Variants in AP3B1 observed in about 807,000 individuals in gnomAD.
The protein encoded by AP3B1 is AP-3 complex subunit beta-1.
AP3B1 carries 61 observed loss-of-function variants against 132.5 expected under a neutral mutation model. The observed-to-expected ratio is 0.46, with a 90% confidence interval of 0.37 to 0.57. The LOEUF is 0.57. Among genes scored for constraint, AP3B1 ranks in the 20% least tolerant of loss-of-function variants. The probability of loss-of-function intolerance (pLI) is 0.00; values close to 1 mark genes in which losing one functional copy is unlikely to be tolerated. For missense variants in AP3B1, 1,120 were observed against 1,289.4 expected (o/e 0.87, Z 2.01); for synonymous variants, 388 against 438.3 (o/e 0.89, Z 1.43).
intron 1 of AP3B1, among the ~76,000 whole-genome samples, chr5:78,271,547 C>A (rs1202104253): frequency 6.6e-6 from 1 of 152,192 alleles, no homozygotes; most frequent in Non-Finnish European, 1.5e-5. Flanking sequence ...TTCCTCAACT[C>A]TTGGTAATCT....
At chr5:78,106,185 C>T (rs140647061) in intron 20 of AP3B1, among the ~76,000 whole-genome samples, 91 of 152,262 alleles carry the variant, frequency 6.0e-4, no homozygotes, top group African/African-American at 2.1e-3. Context: ...TGGCTGGGCA[C>T]GGTTGCCCAT....
downstream of AP3B1, chr5:78,001,267 T>G (rs546983222): frequency 2.0e-5 from 3 of 152,336 alleles, no homozygotes; most frequent in East Asian, 5.8e-4. Flanking sequence ...TGTCTGACAT[T>G]TCAAAAAGTT....
At chr5:78,170,223 G>A (rs1010891089) in intron 11 of AP3B1, among the ~76,000 whole-genome samples, 5 of 152,144 alleles carry the variant, frequency 3.3e-5, no homozygotes, top group Non-Finnish European at 7.3e-5. Context: ...ACATACGTGT[G>A]CATGTGTCTT....
intron 2 of AP3B1, among the ~76,000 whole-genome samples, chr5:78,257,003 A>G (rs555876685): frequency 3.9e-5 from 6 of 152,318 alleles, no homozygotes; most frequent in Admixed American, 6.5e-5. Flanking sequence ...AAAACTGGGA[A>G]TAGAAGGAAC....
intron 1 of AP3B1, among the ~76,000 whole-genome samples, chr5:78,285,754 T>A (rs934611966): frequency 2.6e-5 from 4 of 152,176 alleles, no homozygotes; most frequent in African/African-American, 9.7e-5. Context: ...AAACTTTGTA[T>A]CCACCCTTGA....
chr5:78,169,707 C>T (rs1743823062), intron 11 of AP3B1, among the ~76,000 whole-genome samples: 2 of 151,870 alleles, frequency 1.3e-5, no homozygotes, highest in African/African-American at 4.8e-5. Flanking sequence ...GCAATACAGG[C>T]ATGAGCCACT....
At chr5:78,216,758 C>T (rs1305230712) in intron 6 of AP3B1, among the ~76,000 whole-genome samples, 1 of 152,054 alleles carries the variant, frequency 6.6e-6, no homozygotes, top group Non-Finnish European at 1.5e-5. Context: ...TCTTAATCCA[C>T]CGGTTTTTAC....
At chr5:78,293,511 A>C (rs563977805) in intron 1 of AP3B1, among the ~76,000 whole-genome samples, 114 of 152,322 alleles carry the variant, frequency 7.5e-4, no homozygotes, top group South Asian at 5.6e-3. Flanking sequence ...TAGACTACCC[A>C]ATATTGTTAG....
At chr5:78,216,295 C>G in intron 6 of AP3B1, 58 bp from the exon 7 acceptor site, 1 of 1,488,194 alleles carries the variant, frequency 6.7e-7, no homozygotes. Flanking sequence ...CATCAAAGGT[C>G]TTACTCAGGC....
chr5:78,267,538 A>G lies in AP3B1; in HGVS notation c.186T>C (p.Ala62=). The G allele has an allele frequency of 1.9e-6, 3 of 1,611,436 alleles. No homozygotes were observed. Among genetic ancestry groups the G allele is most frequent in the Non-Finnish European group, 1.7e-6 (2 of 1,178,356 alleles). The change falls in exon 2 of 27, where the codon GCT becomes GCC. Residue 62 remains alanine (A), a synonymous_variant. Coordinates refer to ENST00000255194, the MANE Select transcript of AP3B1 (RefSeq NM_003664.5). ...ESNKDSAKLD[A]MKRIVGMIAK... ...TACCTACCCCAACAATCCGCTTCATAGCATCCAGTTTAGCAGAATCTTTGT... is the reference window on the plus strand; with the variant it reads ...TACCTACCCCAACAATCCGCTTCATGGCATCCAGTTTAGCAGAATCTTTGT...
intron 20 of AP3B1, among the ~76,000 whole-genome samples, chr5:78,109,588 G>T (rs1751485989): frequency 1.3e-5 from 2 of 152,004 alleles, no homozygotes; most frequent in African/African-American, 4.8e-5. Flanking sequence ...CGTTAGGTCT[G>T]AATTCTATAT....
intron 11 of AP3B1, among the ~76,000 whole-genome samples, chr5:78,167,252 T>C (rs1228233796): frequency 6.6e-6 from 1 of 152,104 alleles, no homozygotes; most frequent in Non-Finnish European, 1.5e-5. Flanking sequence ...TCAACATCAC[T>C]ACTTATTAGG....
chr5:78,261,978 A>G (rs1748114872), intron 2 of AP3B1, among the ~76,000 whole-genome samples: 1 of 151,786 alleles, frequency 6.6e-6, no homozygotes, highest in African/African-American at 2.4e-5. Context: ...CGTGTTGGCC[A>G]GGCTTGTCTC....
chr5:78,046,297 G>A (rs1444761616), intron 22 of AP3B1, among the ~76,000 whole-genome samples: 8 of 152,176 alleles, frequency 5.3e-5, no homozygotes, highest in Admixed American at 2.0e-4. Context: ...CCTCATAGGA[G>A]TGCAAACCCT....
At chr5:78,031,208 C>A (rs1476915716) in intron 24 of AP3B1, among the ~76,000 whole-genome samples, 2 of 152,130 alleles carry the variant, frequency 1.3e-5, no homozygotes, top group Admixed American at 1.3e-4. Context: ...TAGCAACTAT[C>A]ATTACTATGG....
Position 78,195,679 on chromosome 5 carries a change from G to T in AP3B1, c.787-14017C>A, listed in dbSNP as rs1270511698. On this transcript the variant is annotated intron_variant, in intron 7 of 26. Transcript: ENST00000255194. ...ATAAAAATACAAAAAAATTAGCTGG[G>T]TGTGGTGATGCACACCTGTTATCCC... Among the ~76,000 whole-genome samples, 4 of 152,034 alleles carry T rather than the reference G, an allele frequency of 2.6e-5. No individual in the cohort carries two copies. The East Asian group carries it at 7.7e-4, about 29-fold the overall frequency.
chr5:78,165,591 A>G lies in AP3B1; in HGVS notation c.1230+19T>C, dbSNP rs1743580333. 1 of 1,572,480 alleles carries G rather than the reference A, an allele frequency of 6.4e-7. No homozygotes were observed. Among genetic ancestry groups the G allele is most frequent in the Admixed American group, 1.7e-5 (1 of 59,532 alleles). On this transcript the variant is annotated intron_variant, in intron 12 of 26. Coordinates refer to ENST00000255194, the MANE Select transcript of AP3B1 (RefSeq NM_003664.5). ...ACATATGTTTTAGAAGTTTTTTATA[A>G]TTAGCACTGTACACAAACCTGAAAT...
chr5:78,121,101 C>A (rs926703425), intron 17 of AP3B1, among the ~76,000 whole-genome samples: 22 of 152,062 alleles, frequency 1.4e-4, no homozygotes, highest in African/African-American at 4.8e-4. Context: ...CTACTGGGTA[C>A]ATAACAAAAT....
intron 21 of AP3B1, among the ~76,000 whole-genome samples, chr5:78,096,885 T>TGG (rs1750833928): frequency 8.8e-6 from 1 of 113,170 alleles, no homozygotes; most frequent in African/African-American, 3.5e-5. Flanking sequence ...GGGAGGGAGG[T>TGG]AGGGGGTCAG....
Sources: gnomAD v4.1 joint callset for allele counts (sites outside exome capture counted in the v4.1 genomes callset) on GRCh38, gnomAD v4.1.1 for gene constraint, MANE v1.5 for transcripts, NCBI Gene and HGNC (gene_info 2026-07-23, HGNC 2026-07-21) for gene names.